Variants in NBPF12 observed in about 807,000 individuals in gnomAD.
The protein encoded by NBPF12 is NBPF family member NBPF12.
NBPF12 carries 115 observed loss-of-function variants against 146.4 expected under a neutral mutation model. The ratio of observed to expected loss-of-function variants is 0.79; its 90% CI spans 0.68 to 0.92. NBPF12 has a LOEUF of 0.92. Ranked by LOEUF, NBPF12 falls within the 40% of genes least tolerant of loss-of-function variation. The pLI, the probability that NBPF12 is intolerant of heterozygous loss-of-function variation, is 0.00. For synonymous variants in NBPF12, 385 were observed against 508.9 expected (o/e 0.76, Z 3.28); for missense variants, 1,205 against 1,326.8 (o/e 0.91, Z 1.43).
rs1189584123 is a variant in NBPF12 at position 146,963,056 on chromosome 1, G to C, written c.279-39G>C. ...GCAATATTTGAACGGATCACTCAAC[G>C]CTTTTCACTGTTAAATTTTCTCTAC... is the stretch of plus-strand genomic sequence containing the variant. On this transcript the variant is annotated intron_variant, in intron 5 of 33. Transcript: ENST00000617844. 1.3e-3 allele frequency: 2,167 copies of C among 1,607,432 alleles called. 26 individuals are homozygous for C. The African/African-American group carries it at 0.019, about 14-fold the overall frequency.
intron 19 of NBPF12, among the ~76,000 whole-genome samples, chr1:146,982,681 T>C (rs1403956705): frequency 1.8e-4 from 27 of 150,282 alleles, no homozygotes; most frequent in African/African-American, 5.1e-4. Context: ...AGGGAGAGTC[T>C]GGGTGCCCTG....
At chr1:146,974,935 CA>C (rs1656884501) in intron 15 of NBPF12, 94 bp downstream of exon 18, 1 of 610,218 alleles carries the variant, frequency 1.6e-6, no homozygotes, top group Non-Finnish European at 2.7e-6. Context: ...TAAGCTGGGC[CA>C]GGGGAAGGGC....
rs1656541435 is a variant in NBPF12, at chr1:146,970,633, T to C, written c.1307-14T>C. 3.4e-4 allele frequency: 522 copies of C among 1,556,488 alleles called. 10 individuals carry two copies. The South Asian group carries it at 5.5e-3, about 16-fold the overall frequency. ...GAAGTGGAAAATATCTGAACGAACA[T>C]TTTGTATTTATAGAAAATGATGAAG... On this transcript the variant is annotated splice_polypyrimidine_tract_variant and intron_variant, in intron 11 of 33. Coordinates refer to ENST00000617844, the Ensembl canonical transcript of NBPF12.
At chr1:146,976,627 G>A (rs1324433525) in intron 16 of NBPF12, among the ~76,000 whole-genome samples, 1 of 150,822 alleles carries the variant, frequency 6.6e-6, no homozygotes, top group Non-Finnish European at 1.5e-5. Flanking sequence ...ATCAGATCTG[G>A]CAGGATGGGG....
At chr1:146,982,649 G>A (rs1483322973) in intron 19 of NBPF12, among the ~76,000 whole-genome samples, 1 of 150,908 alleles carries the variant, frequency 6.6e-6, no homozygotes, top group Non-Finnish European at 1.5e-5. Context: ...TCTCTGTGCT[G>A]CAAGTCATGA....
intron 19 of NBPF12, among the ~76,000 whole-genome samples, chr1:146,981,294 A>AAAAT (rs1162326884): frequency 2.2e-5 from 2 of 90,246 alleles, no homozygotes; most frequent in African/African-American, 4.8e-5. Context: ...AAAAAAAAAA[A>AAAAT]ATATATATAT....
chr1:146,975,148 G>A (rs1169992870), intron 15 of NBPF12, among the ~76,000 whole-genome samples: 1 of 131,046 alleles, frequency 7.6e-6, no homozygotes, highest in Non-Finnish European at 1.6e-5. Flanking sequence ...ACTCAAAATG[G>A]TGTGCCATCA....
chr1:146,994,107 T>C lies in NBPF12; in HGVS notation c.4131-225T>C, dbSNP rs1469878555. ...AGCTCACTTTCTCTCTGTCTCTGTC[T>C]CTGTCTCTGTCTCTGTCTCTGTCTC... On this transcript the variant is annotated intron_variant, in intron 33 of 33. Transcript: ENST00000617844. Among the ~76,000 whole-genome samples the C allele has an allele frequency of 3.6e-5, 4 of 112,424 alleles. No individual in the cohort carries two copies. The Admixed American group carries it at 3.7e-4, about 11-fold the overall frequency. The allele number at this position is 112,424 out of a possible 152,430, so 73.8% of individuals were successfully genotyped here.
chr1:146,941,381 G>A lies in NBPF12; in HGVS notation c.-821-1910G>A, dbSNP rs1351225887. Among the ~76,000 whole-genome samples the A allele has an allele frequency of 2.6e-5, 4 of 151,400 alleles. No individual in the cohort carries two copies. The South Asian group carries it at 6.4e-4, about 24-fold the overall frequency. On this transcript the variant is annotated intron_variant, in intron 1 of 35. Transcript: ENST00000617931. ...ATTATAGGCATGAGCTACTGCACCCGGCCAGAGTATCTTAATTTTAATGAA... is the reference window on the plus strand; with the variant it reads ...ATTATAGGCATGAGCTACTGCACCCAGCCAGAGTATCTTAATTTTAATGAA...
At chr1:146,944,502 G>A (rs1654933905), upstream of NBPF12, among the ~76,000 whole-genome samples, 1 of 148,458 alleles carries the variant, frequency 6.7e-6, no homozygotes, top group African/African-American at 2.5e-5. Context: ...GAGTGGACAA[G>A]GAGCAGCAGG....
Position 146,966,705 on chromosome 1 carries a change from G to C in NBPF12, c.988+32G>C, listed in dbSNP as rs1656235349. 33 of 1,136,560 alleles carry C rather than the reference G, an allele frequency of 2.9e-5. No homozygotes were observed. In the South Asian group the frequency reaches 3.3e-4, roughly 11 times the overall value. 70.4% of individuals were successfully genotyped at this position (1,136,560 alleles called of 1,614,324 possible). On this transcript the variant is annotated intron_variant, in intron 9 of 33. Coordinates refer to ENST00000617844, the Ensembl canonical transcript of NBPF12. ...TCTACAGGCTCACCATCACGAAAGT[G>C]ATGAACAACGTCCTGTCTTCTCTCT...
chr1:146,983,028 T>A, exon 20 of NBPF12: 3 of 1,608,558 alleles, frequency 1.9e-6, no homozygotes, highest in Non-Finnish European at 2.5e-6. Flanking sequence ...CTCATACCAG[T>A]CTTACAGCAG....
intron 25 of NBPF12, among the ~76,000 whole-genome samples, chr1:146,987,733 TTGTGTGTGTGTG>T (rs782154969): frequency 1.4e-5 from 2 of 146,240 alleles, no homozygotes; most frequent in South Asian, 2.1e-4. Flanking sequence ...GTGTGTGTGT[TTGTGTGTGTGTG>T]TGTGTGTGTG....
At chr1:146,972,858 C>T (rs1553886798) in exon 14 of NBPF12, 204 of 1,244,380 alleles carry the variant, frequency 1.6e-4, no homozygotes, top group Non-Finnish European at 2.3e-4. Context: ...TGAGAAGTTG[C>T]GCCCCCAGCT....
At chr1:146,981,292 A>ATATATATAT (rs1182919966) in intron 19 of NBPF12, among the ~76,000 whole-genome samples, 2 of 104,140 alleles carry the variant, frequency 1.9e-5, no homozygotes, top group African/African-American at 8.1e-5. Context: ...AAAAAAAAAA[A>ATATATATAT]AAATATATAT....
chr1:146,995,863 C>G (rs1658509692), exon 34 of NBPF12: 1 of 150,088 alleles, frequency 6.7e-6, no homozygotes, highest in African/African-American at 2.5e-5. Context: ...TATAAATATC[C>G]TGTATTCTAA....
chr1:146,978,611 T>C (rs1657198142), intron 18 of NBPF12, among the ~76,000 whole-genome samples: 1 of 151,944 alleles, frequency 6.6e-6, no homozygotes, highest in African/African-American at 2.4e-5. Context: ...ACATTTTATG[T>C]CCACGTTACC....
At chr1:146,970,583 T>C (rs1656536398) in intron 11 of NBPF12, 64 bp from the exon 15 acceptor site, 11 of 1,559,766 alleles carry the variant, frequency 7.1e-6, no homozygotes, top group Non-Finnish European at 9.7e-6. Flanking sequence ...CTGTGCACGT[T>C]GGGCTGACTG....
chr1:146,953,928 T>A (rs1328294076), intron 2 of NBPF12, among the ~76,000 whole-genome samples: 1 of 151,554 alleles, frequency 6.6e-6, no homozygotes, highest in African/African-American at 2.4e-5. Context: ...ATGCTAGAAA[T>A]CTACAAAAAT....
Sources: allele counts gnomAD v4.1 joint callset (sites outside exome capture counted in the v4.1 genomes callset), GRCh38; gene constraint gnomAD v4.1.1; transcripts MANE v1.5; gene names NCBI Gene and HGNC (gene_info 2026-07-23, HGNC 2026-07-21).